HEPH: variants seen among roughly 807,000 people sequenced by gnomAD.
The protein encoded by HEPH is hephaestin.
In HEPH, 69 loss-of-function variants were observed where a neutral mutation model predicts 80.8. That is an observed-to-expected ratio of 0.85 (90% confidence interval 0.70 to 1.04). HEPH has a LOEUF of 1.04. Among genes scored for constraint, HEPH ranks in the 50% least tolerant of loss-of-function variants. The pLI is 0.00. For missense variants in HEPH, 1,115 were observed against 891.3 expected (o/e 1.25, Z -3.20); for synonymous variants, 431 against 322.8 (o/e 1.34, Z -3.60).
At chrX:66,260,073 C>T (rs1269813650) in intron 18 of HEPH, 27 bp from the exon 19 acceptor site, 6 of 1,192,990 alleles carry the variant, frequency 5.0e-6, no homozygotes, top group Non-Finnish European at 5.7e-6. Flanking sequence ...TTCACTTCCT[C>T]TCCCTCATTC....
intron 15 of HEPH, among the ~76,000 whole-genome samples, chrX:66,229,182 A>G (rs2090017427): frequency 8.9e-6 from 1 of 112,504 alleles, no homozygotes; most frequent in Non-Finnish European, 1.9e-5. Flanking sequence ...ATATAGATAT[A>G]GACATAGACA....
intron 4 of HEPH, among the ~76,000 whole-genome samples, chrX:66,179,122 A>G (rs770557308): frequency 2.7e-5 from 3 of 112,106 alleles, no homozygotes; most frequent in South Asian, 7.4e-4. Context: ...TAATTTTTGT[A>G]TAAGGTGTAA....
chrX:66,246,801 T>A (rs2090826989), intron 15 of HEPH, among the ~76,000 whole-genome samples: 1 of 112,144 alleles, frequency 8.9e-6, no homozygotes, highest in South Asian at 3.8e-4. Context: ...CCTGACATGG[T>A]TTCTCTGTTG....
chrX:66,266,244 C>T (rs1036353028), intron 20 of HEPH, among the ~76,000 whole-genome samples, 196 bp from the exon 21 acceptor site: 1 of 110,785 alleles, frequency 9.0e-6, no homozygotes, highest in Non-Finnish European at 1.9e-5. Flanking sequence ...TCTCAAGGAC[C>T]CTTATAGCTG....
At chrX:66,200,797 G>C in intron 12 of HEPH, 45 bp downstream of exon 12, 1 of 1,029,465 alleles carries the variant, frequency 9.7e-7, no homozygotes, top group Non-Finnish European at 1.4e-6. Context: ...TTGGGTATAG[G>C]GCCAGGAATG....
intron 15 of HEPH, among the ~76,000 whole-genome samples, chrX:66,238,099 G>T (rs2090431813): frequency 9.0e-6 from 1 of 111,468 alleles, no homozygotes; most frequent in African/African-American, 3.3e-5. Context: ...TTTAAATGGG[G>T]GCCTTTAGCC....
At chrX:66,168,532 C>G (rs1194139823) in intron 1 of HEPH, among the ~76,000 whole-genome samples, 3 of 111,785 alleles carry the variant, frequency 2.7e-5, no homozygotes, top group Non-Finnish European at 5.6e-5. Flanking sequence ...AAAACAGATC[C>G]TCTCTTACAT....
rs1236230625 is a variant in HEPH at position 66,189,684 on chromosome X, C to T, written c.809C>T (p.Ala270Val). ...ETFQESNRMH[A>V]INGFVFGNLP... ...ATTTTCTTTGGGTTTTCTTTTGCAG[C>T]AATCAATGGCTTTGTTTTTGGGAAT... The change falls in exon 6 of 21, where the codon GCA becomes GTA. Residue 270 changes from alanine to valine, a missense_variant and splice_region_variant. Around this residue, in one of 3 missense-constraint regions of HEPH, gnomAD observed 391 missense variants for 343.6 expected, o/e 1.14. Coordinates refer to ENST00000343002, the MANE Select transcript of HEPH (RefSeq NM_001367233.3). 1 of 1,203,790 alleles carries T rather than the reference C, an allele frequency of 8.3e-7. No homozygotes were observed.
intron 15 of HEPH, among the ~76,000 whole-genome samples, chrX:66,210,783 G>A: frequency 9.0e-6 from 1 of 111,267 alleles, no homozygotes; most frequent in Non-Finnish European, 1.9e-5. Context: ...AATGGGTGTT[G>A]AGAAGATTAG....
intron 15 of HEPH, among the ~76,000 whole-genome samples, chrX:66,248,715 A>C (rs777453944): frequency 8.9e-6 from 1 of 112,186 alleles, no homozygotes; most frequent in Non-Finnish European, 1.9e-5. Context: ...CTATGGCCAC[A>C]ATGTATGATA....
intron 9 of HEPH, among the ~76,000 whole-genome samples, chrX:66,196,241 C>A (rs1440248058): frequency 2.7e-5 from 3 of 110,879 alleles, no homozygotes; most frequent in Non-Finnish European, 5.7e-5. Context: ...TATTCTACTT[C>A]CAAGTGATTC....
chrX:66,240,486 C>A (rs2090526892), intron 15 of HEPH, among the ~76,000 whole-genome samples: 1 of 102,041 alleles, frequency 9.8e-6, no homozygotes, highest in Admixed American at 1.1e-4. Flanking sequence ...ACCACAGACT[C>A]AAAAAACTCA....
chrX:66,214,481 T>G (rs1379884038), intron 15 of HEPH, among the ~76,000 whole-genome samples: 1 of 111,721 alleles, frequency 9.0e-6, no homozygotes, highest in Non-Finnish European at 1.9e-5. Context: ...TATCATTTGT[T>G]GAACAGAAAT....
chrX:66,180,802 G>A (rs1602233265), intron 4 of HEPH, among the ~76,000 whole-genome samples: 2 of 86,015 alleles, frequency 2.3e-5, no homozygotes, highest in African/African-American at 8.6e-5. Context: ...ACCCACTAAC[G>A]TGTCATCTAG....
chrX:66,181,999 A>C lies in HEPH; in HGVS notation c.626-6360A>C, dbSNP rs144700625. 2.0e-4 allele frequency among the ~76,000 whole-genome samples: 22 copies of C among 108,320 alleles called. No individual in the cohort carries two copies. The East Asian group carries it at 3.7e-3, about 18-fold the overall frequency. 94.1% of individuals were successfully genotyped at this position (108,320 alleles called of 115,157 possible). On this transcript the variant is annotated intron_variant, in intron 4 of 20. Transcript: ENST00000343002. ...TGTTTTTCTCAGGTTTGTCAAAGATAAGATAGTTGTAGATATGCGGCATTA... is the reference window on the plus strand; with the variant it reads ...TGTTTTTCTCAGGTTTGTCAAAGATCAGATAGTTGTAGATATGCGGCATTA...
At chrX:66,207,077 C>CAT in intron 13 of HEPH, 118 bp from the exon 14 acceptor site, 1 of 493,380 alleles carries the variant, frequency 2.0e-6, no homozygotes, top group Non-Finnish European at 3.1e-6. Flanking sequence ...AGGTCCCCCC[C>CAT]CTTTTTTTTT....
chrX:66,244,043 C>G (rs1015395682), intron 15 of HEPH, among the ~76,000 whole-genome samples: 1 of 112,103 alleles, frequency 8.9e-6, no homozygotes, highest in South Asian at 3.7e-4. Context: ...GAGAAGTACA[C>G]TGTTAGCCCA....
At chrX:66,226,046 C>A (rs2089876458) in intron 15 of HEPH, among the ~76,000 whole-genome samples, 1 of 111,050 alleles carries the variant, frequency 9.0e-6, no homozygotes. Flanking sequence ...GGGTATGTGA[C>A]TGGGGGCTGC....
chrX:66,192,446 C>T, intron 7 of HEPH, 148 bp downstream of exon 7: 1 of 609,461 alleles, frequency 1.6e-6, no homozygotes, highest in Non-Finnish European at 2.5e-6. Context: ...TAGCCAAGTT[C>T]TTGTGTCCCC....
Sources: allele counts gnomAD v4.1 joint callset (sites outside exome capture counted in the v4.1 genomes callset), GRCh38; gene constraint gnomAD v4.1.1; regional missense constraint gnomAD v4.1.1; transcripts MANE v1.5; gene names NCBI Gene and HGNC (gene_info 2026-07-23, HGNC 2026-07-21).